The following SLC25A48 variants were observed in gnomAD, a reference collection of about 807,000 sequenced individuals.
SLC25A48 encodes solute carrier family 25 member 48.
SLC25A48 carries 29 observed loss-of-function variants against 32.2 expected under a neutral mutation model. The observed-to-expected ratio is 0.90, with a 90% CI of 0.67 to 1.23. The LOEUF is 1.23. Among genes scored for constraint, SLC25A48 ranks in the 50% most tolerant of loss-of-function variants. The pLI is 0.00. For missense variants in SLC25A48, 399 were observed against 422.7 expected (o/e 0.94, Z 0.49); for synonymous variants, 164 against 172.3 (o/e 0.95, Z 0.38).
chr5:135,850,587 G>T, intron 3 of SLC25A48, 91 bp downstream of exon 3: 2 of 1,218,892 alleles, frequency 1.6e-6, no homozygotes, highest in Non-Finnish European at 2.4e-6. Context: ...CATGCAGGTG[G>T]GGGCCTCTCA....
At chr5:135,694,807 G>A (rs1170769153) in intron 3 of SLC25A48, among the ~76,000 whole-genome samples, 3 of 152,118 alleles carry the variant, frequency 2.0e-5, no homozygotes, top group East Asian at 1.9e-4. Context: ...GGCTGGTCTC[G>A]AACTCCTGAC....
intron 4 of SLC25A48, among the ~76,000 whole-genome samples, chr5:135,869,007 G>A (rs1271858129): frequency 2.0e-5 from 3 of 152,160 alleles, no homozygotes; most frequent in African/African-American, 7.2e-5. Context: ...CGAGTGAGAA[G>A]GGAGGGAAGT....
intron 3 of SLC25A48, among the ~76,000 whole-genome samples, chr5:135,791,156 T>A (rs1235545619): frequency 6.6e-6 from 1 of 151,608 alleles, no homozygotes; most frequent in Non-Finnish European, 1.5e-5. Flanking sequence ...TAGGGAGACA[T>A]GACTTCTAAT....
chr5:135,641,852 C>T lies in SLC25A48; in HGVS notation c.-521+6896C>T, dbSNP rs1343935436. 7.2e-5 allele frequency among the ~76,000 whole-genome samples: 11 copies of T among 152,214 alleles called. No homozygotes were observed. In the East Asian group the frequency reaches 1.5e-3, roughly 21 times the overall value. On this transcript the variant is annotated intron_variant, in intron 3 of 10. Transcript: ENST00000646290. ...TCCCCTTCATCACCATGCTGCTAGT[C>T]GCAGAGTGCTCACTTGGACATCTCA...
At chr5:135,876,095 G>C (rs922896290) in intron 6 of SLC25A48, 6 of 148,988 alleles carry the variant, frequency 4.0e-5, no homozygotes, top group African/African-American at 1.5e-4. Context: ...GCCCTGGTGC[G>C]GCCTCAATTG....
chr5:135,797,955 A>G (rs537419912), intron 3 of SLC25A48, among the ~76,000 whole-genome samples: 23 of 151,770 alleles, frequency 1.5e-4, no homozygotes, highest in African/African-American at 5.6e-4. Context: ...CACCCCCTCT[A>G]TGGTATTGTT....
At chr5:135,737,563 T>C (rs1006592919) in intron 3 of SLC25A48, among the ~76,000 whole-genome samples, 24 of 152,130 alleles carry the variant, frequency 1.6e-4, no homozygotes, top group Admixed American at 1.5e-3. Flanking sequence ...TGAATGATGG[T>C]TTAGATTAAA....
chr5:135,883,252 A>C (rs1762599794), intron 7 of SLC25A48: 1 of 985,336 alleles, frequency 1.0e-6, no homozygotes, highest in South Asian at 4.7e-5. Flanking sequence ...TCTGCCTTGG[A>C]GGGATTCAAC....
At chr5:135,754,967 T>G (rs767712788) in intron 3 of SLC25A48, among the ~76,000 whole-genome samples, 9 of 152,150 alleles carry the variant, frequency 5.9e-5, no homozygotes, top group Admixed American at 3.9e-4. Context: ...CCTCTTCTAT[T>G]TATAATATCC....
intron 3 of SLC25A48, among the ~76,000 whole-genome samples, chr5:135,685,370 G>T: frequency 6.7e-6 from 1 of 149,950 alleles, no homozygotes. Flanking sequence ...TCTTGTAATA[G>T]AAATTGACAA....
chr5:135,877,445 A>G (rs2126824461), intron 6 of SLC25A48, among the ~76,000 whole-genome samples: 1 of 150,316 alleles, frequency 6.7e-6, no homozygotes, highest in Admixed American at 6.6e-5. Context: ...GGGAATCTGG[A>G]GCCTTCCTGT....
At chr5:135,740,029 G>A (rs1755463894) in intron 3 of SLC25A48, among the ~76,000 whole-genome samples, 1 of 152,108 alleles carries the variant, frequency 6.6e-6, no homozygotes, top group African/African-American at 2.4e-5. Flanking sequence ...GCTTCAAAAA[G>A]CAAAGATTAT....
At chr5:135,615,515 A>G (rs1159079234) in intron 1 of SLC25A48, among the ~76,000 whole-genome samples, 1 of 152,212 alleles carries the variant, frequency 6.6e-6, no homozygotes, top group Admixed American at 6.5e-5. Flanking sequence ...AGCATTTAAG[A>G]TATGGCCTGG....
At chr5:135,799,345 A>G (rs1251723058) in intron 3 of SLC25A48, among the ~76,000 whole-genome samples, 2 of 151,646 alleles carry the variant, frequency 1.3e-5, no homozygotes, top group Non-Finnish European at 2.9e-5. Flanking sequence ...ATCCAGGGAA[A>G]AGAAGATGAT....
intron 4 of SLC25A48, among the ~76,000 whole-genome samples, chr5:135,828,567 C>T (rs1385729268): frequency 6.6e-6 from 1 of 152,232 alleles, no homozygotes; most frequent in Admixed American, 6.5e-5. Flanking sequence ...CCTCAACTTC[C>T]CAAGGGCAAG....
intron 3 of SLC25A48, among the ~76,000 whole-genome samples, chr5:135,678,996 G>T (rs544436046): frequency 3.3e-5 from 5 of 152,238 alleles, no homozygotes; most frequent in Admixed American, 2.0e-4. Context: ...AGTCCAGGTG[G>T]GTTAGTTCTT....
chr5:135,703,129 G>A (rs976186743), intron 3 of SLC25A48, among the ~76,000 whole-genome samples: 9 of 152,194 alleles, frequency 5.9e-5, no homozygotes, highest in African/African-American at 1.4e-4. Flanking sequence ...AGGGGCCCAC[G>A]GGCAAATAGC....
At chr5:135,588,072 T>A (rs759511025) in intron 1 of SLC25A48, among the ~76,000 whole-genome samples, 79 of 152,236 alleles carry the variant, frequency 5.2e-4, no homozygotes, top group Admixed American at 9.8e-4. Context: ...GCAGGGCGGG[T>A]TTGCTCCTGG....
At chr5:135,774,952 A>C (rs1467145016) in intron 3 of SLC25A48, among the ~76,000 whole-genome samples, 1 of 151,706 alleles carries the variant, frequency 6.6e-6, no homozygotes, top group Admixed American at 6.6e-5. Context: ...TACTACTCCC[A>C]GTATCATAGA....
Sources: allele counts gnomAD v4.1 joint callset (sites outside exome capture counted in the v4.1 genomes callset), GRCh38; gene constraint gnomAD v4.1.1; transcripts MANE v1.5; gene names NCBI Gene and HGNC (gene_info 2026-07-23, HGNC 2026-07-21).